Variants in FRY observed in about 807,000 individuals in gnomAD.
FRY encodes FRY microtubule binding protein.
FRY carries 128 observed loss-of-function variants against 348.4 expected under a neutral mutation model. The ratio of observed to expected loss-of-function variants is 0.37; its 90% confidence interval spans 0.32 to 0.43. The LOEUF (loss-of-function observed/expected upper bound fraction) is 0.43. Among genes scored for constraint, FRY ranks in the 20% least tolerant of loss-of-function variants. The pLI is 1.00. For synonymous variants in FRY, 1,370 were observed against 1,374.7 expected (o/e 1.00, Z 0.08); for missense variants, 2,736 against 3,695.2 (o/e 0.74, Z 6.73).
chr13:32,288,561 T>C (rs565821875), intron 58 of FRY, among the ~76,000 whole-genome samples: 15 of 152,338 alleles, frequency 9.8e-5, no homozygotes, highest in African/African-American at 3.4e-4. Flanking sequence ...AAACCTAAAT[T>C]CTTGTGATTT....
At chr13:32,157,469 T>A in intron 16 of FRY, 64 bp downstream of exon 16, 1 of 1,443,378 alleles carries the variant, frequency 6.9e-7, no homozygotes, top group Non-Finnish European at 9.7e-7. Flanking sequence ...TAGAGAGTAT[T>A]CTCATTTATT....
chr13:32,078,390 T>A (rs183363951), intron 1 of FRY, among the ~76,000 whole-genome samples: 2 of 152,200 alleles, frequency 1.3e-5, no homozygotes, highest in East Asian at 3.9e-4. Flanking sequence ...GACCCCAGAG[T>A]CCTTTCCATT....
intron 2 of FRY, among the ~76,000 whole-genome samples, chr13:32,079,725 G>T (rs569104989): frequency 5.0e-4 from 76 of 152,114 alleles, no homozygotes; most frequent in Non-Finnish European, 7.9e-4. Context: ...CTCTCCAAAG[G>T]ACAGTCAGGA....
At chr13:32,150,872 C>T (rs1880747783) in intron 14 of FRY, among the ~76,000 whole-genome samples, 1 of 152,188 alleles carries the variant, frequency 6.6e-6, no homozygotes, top group African/African-American at 2.4e-5. Flanking sequence ...CTTCTTGATA[C>T]TAAGGTTGCC....
chr13:32,137,100 G>T lies in FRY; in HGVS notation c.1179+128G>T, dbSNP rs190805965. On this transcript the variant is annotated intron_variant, in intron 11 of 60. Coordinates refer to ENST00000542859, the MANE Select transcript of FRY (RefSeq NM_023037.3). ...AATTGTCCTATACTGGTGGAATAATGAAAAAATATTAATAAGAGTTCTTAT... is the reference window on the plus strand; with the variant it reads ...AATTGTCCTATACTGGTGGAATAATTAAAAAATATTAATAAGAGTTCTTAT... The T allele has an allele frequency of 1.3e-4, 91 of 683,136 alleles. No individual in the cohort carries two copies. In the East Asian group the frequency reaches 2.2e-3, roughly 17 times the overall value. 42.3% of individuals were successfully genotyped at this position (683,136 alleles called of 1,614,324 possible).
intron 33 of FRY, 72 bp from the exon 34 acceptor site, chr13:32,210,794 A>G: frequency 2.5e-6 from 3 of 1,208,564 alleles, no homozygotes; most frequent in Non-Finnish European, 3.6e-6. Context: ...TCTAAATGAG[A>G]GGTTTACTGG....
chr13:32,209,503 C>A, intron 32 of FRY, 82 bp from the exon 33 acceptor site: 3 of 1,330,124 alleles, frequency 2.3e-6, no homozygotes, highest in Non-Finnish European at 3.2e-6. Flanking sequence ...ACGGTCATGA[C>A]CCTCAAAACT....
intron 3 of FRY, among the ~76,000 whole-genome samples, chr13:32,102,807 T>A (rs1877250579): frequency 6.6e-6 from 1 of 152,204 alleles, no homozygotes; most frequent in South Asian, 2.1e-4. Context: ...TTTCCTAAAC[T>A]TTTGCAGTTA....
At chr13:32,190,003 A>G (rs1295706102) in intron 28 of FRY, among the ~76,000 whole-genome samples, 1 of 152,044 alleles carries the variant, frequency 6.6e-6, no homozygotes, top group Non-Finnish European at 1.5e-5. Flanking sequence ...TTAATATTCA[A>G]ATGTCTGTCA....
intron 20 of FRY, 101 bp downstream of exon 20, chr13:32,175,733 A>T (rs1882322327): frequency 2.0e-5 from 15 of 750,888 alleles, no homozygotes; most frequent in Admixed American, 3.9e-5. Flanking sequence ...TGTTTATGTC[A>T]GATTAATAAA....
intron 1 of FRY, among the ~76,000 whole-genome samples, chr13:32,046,932 A>T (rs1593557289): frequency 6.6e-6 from 1 of 152,206 alleles, no homozygotes; most frequent in South Asian, 2.1e-4. Context: ...GACTGTTACG[A>T]TCATGTGCTT....
At chr13:32,272,933 A>G (rs910271207) in intron 55 of FRY, among the ~76,000 whole-genome samples, 2 of 150,558 alleles carry the variant, frequency 1.3e-5, no homozygotes, top group Non-Finnish European at 3.0e-5. Flanking sequence ...TTTAGCAGAG[A>G]CGGGGTTTCA....
chr13:32,157,232 TAG>T, intron 15 of FRY, 39 bp from the exon 16 acceptor site: 1 of 1,572,092 alleles, frequency 6.4e-7, no homozygotes, highest in African/African-American at 1.3e-5. Context: ...TATCCTTTGA[TAG>T]ATTCAGTTGA....
At chr13:32,284,006 C>G (rs969770500) in intron 58 of FRY, among the ~76,000 whole-genome samples, 4 of 152,172 alleles carry the variant, frequency 2.6e-5, no homozygotes, top group Non-Finnish European at 5.9e-5. Context: ...GCAGACCTCT[C>G]GACTCTGGGT....
chr13:32,048,226 C>T (rs1253834988), intron 1 of FRY, among the ~76,000 whole-genome samples: 1 of 152,142 alleles, frequency 6.6e-6, no homozygotes, highest in African/African-American at 2.4e-5. Context: ...GCTAGCATGT[C>T]GCCCCTCAGT....
chr13:32,077,275 T>C (rs954375618), intron 1 of FRY, among the ~76,000 whole-genome samples: 1 of 152,128 alleles, frequency 6.6e-6, no homozygotes, highest in African/African-American at 2.4e-5. Flanking sequence ...AAAAGTGTTA[T>C]GATTAAAGCC....
At chr13:32,284,398 AT>A (rs1465149070) in intron 58 of FRY, among the ~76,000 whole-genome samples, 2 of 152,212 alleles carry the variant, frequency 1.3e-5, no homozygotes, top group African/African-American at 2.4e-5. Context: ...CTTTTCTCCA[AT>A]TAAGTTATAA....
In FRY at chr13:32,135,069, T is replaced by C. The variant is rs371194184; in HGVS notation, c.979-16T>C. 63 of 1,566,560 alleles carry C rather than the reference T, an allele frequency of 4.0e-5. No homozygotes were observed. Among genetic ancestry groups the C allele is most frequent in the Non-Finnish European group, 5.5e-5 (62 of 1,136,790 alleles). ...CAATTTTATTAATATAATATTCACA[T>C]GCATCTCTATTTCAGGCTGTTAAAA... On this transcript the variant is annotated splice_polypyrimidine_tract_variant and intron_variant, in intron 9 of 60. Transcript: ENST00000542859.
At chr13:32,132,579 C>T (rs1342712116) in intron 8 of FRY, among the ~76,000 whole-genome samples, 1 of 152,190 alleles carries the variant, frequency 6.6e-6, no homozygotes, top group Non-Finnish European at 1.5e-5. Context: ...CAAAATGGCA[C>T]AGCCACTTTG....
Sources: allele counts gnomAD v4.1 joint callset (sites outside exome capture counted in the v4.1 genomes callset), GRCh38; gene constraint gnomAD v4.1.1; transcripts MANE v1.5; gene names NCBI Gene and HGNC (gene_info 2026-07-23, HGNC 2026-07-21).